Variants in GRK5 observed in about 807,000 individuals in gnomAD.
GRK5 encodes the protein G protein-coupled receptor kinase 5.
Under a neutral mutation model 78.4 loss-of-function variants are expected in GRK5, and 40 were observed. The ratio of observed to expected loss-of-function variants is 0.51; its 90% CI spans 0.40 to 0.66. The LOEUF (loss-of-function observed/expected upper bound fraction) is 0.66, where lower values mean the gene tolerates loss of function less well. Among genes scored for constraint, GRK5 ranks in the 30% least tolerant of loss-of-function variants. GRK5 has a pLI of 0.00. For missense variants in GRK5, 598 were observed against 759.9 expected, an observed-to-expected ratio of 0.79 and a Z score of 2.50; for synonymous variants, 289 against 296.8, an observed-to-expected ratio of 0.97 and a Z score of 0.27.
intron 3 of GRK5, among the ~76,000 whole-genome samples, chr10:119,388,969 G>A (rs1851843248): frequency 6.6e-6 from 1 of 152,190 alleles, no homozygotes; most frequent in African/African-American, 2.4e-5. Context: ...GGTAGGAGCT[G>A]CAGTGCCCTC....
chr10:119,239,476 TC>T (rs529793210), intron 1 of GRK5, among the ~76,000 whole-genome samples: 193 of 152,294 alleles, frequency 1.3e-3, no homozygotes, highest in Non-Finnish European at 2.3e-3. Context: ...CCTCAGGTGA[TC>T]CGTCTGCCTC....
At chr10:119,228,031 G>A (rs1325286103) in intron 1 of GRK5, among the ~76,000 whole-genome samples, 1 of 152,024 alleles carries the variant, frequency 6.6e-6, no homozygotes, top group African/African-American at 2.4e-5. Flanking sequence ...TATAATAGAG[G>A]TTAATTGGAA....
chr10:119,452,505 GA>G lies in GRK5; in HGVS notation c.1405-165del. 1.4e-6 allele frequency: 1 copy of G among 719,570 alleles called. No homozygotes were observed. Among genetic ancestry groups the G allele is most frequent in the East Asian group, 2.7e-5 (1 of 36,488 alleles). 44.6% of individuals were successfully genotyped at this position (719,570 alleles called of 1,614,324 possible). A position where few individuals can be genotyped will look rare whatever the true frequency, so the allele number is the denominator to read the frequency against. On this transcript the variant is annotated intron_variant, in intron 13 of 15. Coordinates refer to ENST00000392870, the MANE Select transcript of GRK5 (RefSeq NM_005308.3). This position sits in a 1 kb window ranked among gnomAD's most constrained non-coding sequence, Gnocchi z 4.4. ...GCCACTGGGGCCGACCCCTCCCCTG[GA>G]CTCACCTGCATCTGAGCCACACACC... is the stretch of plus-strand genomic sequence containing the variant.
At chr10:119,334,785 A>G (rs1399960117) in intron 2 of GRK5, 2 of 152,112 alleles carry the variant, frequency 1.3e-5, no homozygotes, top group Non-Finnish European at 2.9e-5. Flanking sequence ...AAAGCTATAT[A>G]ATAAATCAAG....
intron 2 of GRK5, among the ~76,000 whole-genome samples, chr10:119,332,296 G>A (rs1020462737): frequency 1.3e-5 from 2 of 151,848 alleles, no homozygotes; most frequent in African/African-American, 4.8e-5. Flanking sequence ...TTGTAGAGAC[G>A]GGATTTTGCC....
At chr10:119,249,842 T>C (rs531299771) in intron 1 of GRK5, among the ~76,000 whole-genome samples, 21 of 152,334 alleles carry the variant, frequency 1.4e-4, no homozygotes, top group African/African-American at 5.1e-4. Flanking sequence ...TTACTATTAC[T>C]GTGTCATTGT....
At chr10:119,308,867 TG>T (rs5788341) in intron 1 of GRK5, among the ~76,000 whole-genome samples, 2 of 128,692 alleles carry the variant, frequency 1.6e-5, no homozygotes, top group East Asian at 2.5e-4. Context: ...TGTATGGATT[TG>T]GGGGAATGCT....
chr10:119,420,939 G>T (rs1206982257), intron 4 of GRK5, among the ~76,000 whole-genome samples: 1 of 152,132 alleles, frequency 6.6e-6, no homozygotes, highest in African/African-American at 2.4e-5. Flanking sequence ...TGCCTGTGGT[G>T]GGTAAGGGTG....
At chr10:119,396,844 G>A (rs1212241956) in intron 4 of GRK5, 72 bp downstream of exon 4, 4 of 1,160,628 alleles carry the variant, frequency 3.4e-6, no homozygotes, top group Non-Finnish European at 5.2e-6. Context: ...CCCTAAGTCT[G>A]TGCCAGGCCA....
At chr10:119,283,310 G>A (rs965360404) in intron 1 of GRK5, among the ~76,000 whole-genome samples, 1 of 152,168 alleles carries the variant, frequency 6.6e-6, no homozygotes, top group African/African-American at 2.4e-5. Flanking sequence ...CAGCCCTGCA[G>A]CTCAACATGG....
rs146633196 is a variant in GRK5 at position 119,391,311 on chromosome 10, G to A, written c.262-5384G>A. On this transcript the variant is annotated intron_variant, in intron 3 of 15. Transcript: ENST00000392870. ...ACGTCTGACCCTGGGGCCCCTGGGGGACACCCCCATCATGCACTGCTCGCC... is the reference window on the plus strand; with the variant it reads ...ACGTCTGACCCTGGGGCCCCTGGGGAACACCCCCATCATGCACTGCTCGCC... Among the ~76,000 whole-genome samples the A allele has an allele frequency of 3.1e-3, 474 of 152,244 alleles. 5 individuals carry two copies. Among genetic ancestry groups the A allele is most frequent in the African/African-American group, 0.011 (437 of 41,532 alleles).
At chr10:119,283,177 T>A (rs909625944) in intron 1 of GRK5, among the ~76,000 whole-genome samples, 5 of 152,070 alleles carry the variant, frequency 3.3e-5, no homozygotes, top group Non-Finnish European at 4.4e-5. Context: ...GTTTTTTTTT[T>A]AAACCAAAAA....
rs1284745096 is a variant in GRK5, at chr10:119,238,397, G to A, written c.52+30428G>A. On this transcript the variant is annotated intron_variant, in intron 1 of 15. Transcript: ENST00000392870. This position sits in a 1 kb window ranked among gnomAD's most constrained non-coding sequence, Gnocchi z 4.7. The stretch of plus-strand genomic sequence containing the variant: ...TACTTGATTTCATCTGGAATGGAGG[G>A]TGTGGCCCTGCCTGGCACTGGGATG... 2.6e-5 allele frequency among the ~76,000 whole-genome samples: 4 copies of A among 152,158 alleles called. No individual in the cohort carries two copies. The highest frequency in any genetic ancestry group is 2.1e-4 in the South Asian group (1 of 4,830).
At chr10:119,392,635 G>A (rs1467686915) in intron 3 of GRK5, among the ~76,000 whole-genome samples, 2 of 152,190 alleles carry the variant, frequency 1.3e-5, no homozygotes, top group East Asian at 1.9e-4. Context: ...AACTCCTGAC[G>A]TCAGGTGATC....
chr10:119,368,103 G>A (rs74157667), intron 2 of GRK5, among the ~76,000 whole-genome samples: 314 of 152,298 alleles, frequency 2.1e-3, no homozygotes, highest in African/African-American at 6.6e-3. Flanking sequence ...GCCAGACCCC[G>A]GGCCCTGGAA....
chr10:119,231,720 AAAAG>A (rs1451572441), intron 1 of GRK5, among the ~76,000 whole-genome samples: 2 of 151,822 alleles, frequency 1.3e-5, no homozygotes, highest in African/African-American at 2.4e-5. Flanking sequence ...AAAAAAAAAA[AAAAG>A]AAAAAAAACT....
intron 2 of GRK5, among the ~76,000 whole-genome samples, chr10:119,375,325 G>C (rs1431418428): frequency 6.6e-6 from 1 of 151,972 alleles, no homozygotes; most frequent in Non-Finnish European, 1.5e-5. Flanking sequence ...ATTCTCTCTG[G>C]CTTTGACCTT....
At position 119,430,534 on chromosome 10, in the gene GRK5, C is replaced by T. The variant is rs1852794469; in HGVS notation, c.597+96C>T. The T allele has an allele frequency of 9.0e-7, 1 of 1,106,216 alleles. No homozygotes were observed. Among genetic ancestry groups the T allele is most frequent in the East Asian group, 2.5e-5 (1 of 40,640 alleles). The allele number at this position is 1,106,216 out of a possible 1,614,324, so 68.5% of individuals were successfully genotyped here. A position where few individuals can be genotyped will look rare whatever the true frequency, so the allele number is the denominator to read the frequency against. ...AACCTAAAGGGTTGGCCCACGGGTC[C>T]CCCGGGGGCACCAGTGGCTCAATGT... On this transcript the variant is annotated intron_variant, in intron 7 of 15. Transcript: ENST00000392870. This position sits in a 1 kb window ranked among gnomAD's most constrained non-coding sequence, Gnocchi z 4.5.
chr10:119,431,296 T>C lies in GRK5; in HGVS notation c.598-91T>C. On this transcript the variant is annotated intron_variant, in intron 7 of 15. Coordinates refer to ENST00000392870, the MANE Select transcript of GRK5 (RefSeq NM_005308.3). The surrounding 1 kb of genome is among the most constrained non-coding windows in gnomAD (Gnocchi z 4.8). The stretch of plus-strand genomic sequence containing the variant: ...GCCGGCTCTGACCCCATCCATTCTC[T>C]ACCTGGGAGGCCTGTGGTCCCCGCC... The C allele has an allele frequency of 4.8e-6, 7 of 1,456,866 alleles. No individual in the cohort carries two copies. The highest frequency in any genetic ancestry group is 6.5e-6 in the Non-Finnish European group (7 of 1,081,724). The allele number at this position is 1,456,866 out of a possible 1,614,324, so 90.2% of individuals were successfully genotyped here. A position where few individuals can be genotyped will look rare whatever the true frequency, so the allele number is the denominator to read the frequency against.
Sources: gnomAD v4.1 joint callset for allele counts (sites outside exome capture counted in the v4.1 genomes callset) on GRCh38, gnomAD v4.1.1 for gene constraint, Gnocchi (gnomAD v3.1) non-coding constraint, MANE v1.5 for transcripts, NCBI Gene and HGNC (gene_info 2026-07-23, HGNC 2026-07-21) for gene names.